Variants in UGT1A4 observed in about 807,000 individuals in gnomAD.
UGT1A4 encodes the protein UDP-glucuronosyltransferase 1A4.
UGT1A4 carries 32 observed loss-of-function variants against 41.1 expected under a neutral mutation model. The observed-to-expected ratio is 0.78, with a 90% confidence interval of 0.59 to 1.05. The LOEUF (loss-of-function observed/expected upper bound fraction) is 1.05, where lower values mean the gene tolerates loss of function less well. Among genes scored for constraint, UGT1A4 ranks in the 50% least tolerant of loss-of-function variants. UGT1A4 has a pLI of 0.00. For missense variants in UGT1A4, 748 were observed against 677.4 expected (o/e 1.10, Z -1.16); for synonymous variants, 283 against 265.1 (o/e 1.07, Z -0.66).
intron 1 of UGT1A4, among the ~76,000 whole-genome samples, chr2:233,730,803 T>C (rs2078076377): frequency 6.6e-6 from 1 of 152,164 alleles, no homozygotes; most frequent in South Asian, 2.1e-4. Context: ...TGAATGGACA[T>C]GCGTCCAAGA....
At chr2:233,747,977 G>A (rs1693826207) in intron 1 of UGT1A4, 1 of 1,613,358 alleles carries the variant, frequency 6.2e-7, no homozygotes, top group Non-Finnish European at 8.5e-7. Context: ...CATCTGTGTG[G>A]CTGTTCCGAG....
chr2:233,757,382 C>T (rs1017517189), intron 1 of UGT1A4, among the ~76,000 whole-genome samples: 3 of 151,230 alleles, frequency 2.0e-5, no homozygotes, highest in African/African-American at 7.3e-5. Flanking sequence ...AGATTCAGCA[C>T]TTACTTGCTG....
chr2:233,724,151 G>A (rs2077177263), intron 1 of UGT1A4, among the ~76,000 whole-genome samples: 1 of 124,618 alleles, frequency 8.0e-6, no homozygotes, highest in African/African-American at 3.6e-5. Flanking sequence ...CGGCTGGCCG[G>A]GTGGGGGGGC....
chr2:233,769,449 G>A lies in UGT1A4; in HGVS notation c.1307+1010G>A, dbSNP rs538754639. ...GCTGTGCTCATGTGTGGGTGCACAC[G>A]TGTGCATTCATATGCGTGTGTGTGT... On this transcript the variant is annotated intron_variant, in intron 4 of 4. Coordinates refer to ENST00000373409, the MANE Select transcript of UGT1A4 (RefSeq NM_007120.3). The surrounding 1 kb of genome is among the most constrained non-coding windows in gnomAD (Gnocchi z 4.4). The A allele has an allele frequency of 8.2e-5, 130 of 1,580,920 alleles. 1 individual carries two copies. The highest frequency in any genetic ancestry group is 7.2e-4 in the African/African-American group (54 of 74,488).
chr2:233,734,133 G>T lies in UGT1A4; in HGVS notation c.867+14446G>T, dbSNP rs9711095. Among the ~76,000 whole-genome samples the T allele has an allele frequency of 6.7e-3, 1,025 of 152,076 alleles. 39 individuals carry two copies. Among genetic ancestry groups the T allele is most frequent in the Admixed American group, 0.052 (802 of 15,280 alleles). ...ATAATAATAATAATAAAAAGAATTTGGCTGTGAATCCATCTGGTCCTGGAC... is the reference window on the plus strand; with the variant it reads ...ATAATAATAATAATAAAAAGAATTTTGCTGTGAATCCATCTGGTCCTGGAC... On this transcript the variant is annotated intron_variant, in intron 1 of 4. Transcript: ENST00000373409.
intron 1 of UGT1A4, among the ~76,000 whole-genome samples, chr2:233,759,387 C>A (rs1697125901): frequency 6.6e-6 from 1 of 152,128 alleles, no homozygotes. Context: ...TCAGGATACT[C>A]AGAGTAACCG....
chr2:233,743,530 C>G (rs781463146), intron 1 of UGT1A4: 8 of 1,367,244 alleles, frequency 5.9e-6, no homozygotes, highest in East Asian at 4.6e-5. Context: ...GCTTCCCCAG[C>G]AGTTCCTCTG....
chr2:233,748,052 C>G, intron 1 of UGT1A4: 1 of 1,613,446 alleles, frequency 6.2e-7, no homozygotes, highest in Non-Finnish European at 8.5e-7. Context: ...GGGGCATCAA[C>G]TGTGCCAACA....
In UGT1A4 at chr2:233,769,978, G is replaced by A. The variant is rs35883224; in HGVS notation, c.1307+1539G>A. The stretch of plus-strand genomic sequence containing the variant: ...CTTCTGGCCACCTCAATGTCAGGAT[G>A]TCCTGCTCACATATCAATACCATTA... On this transcript the variant is annotated intron_variant, in intron 4 of 4. Transcript: ENST00000373409. The surrounding 1 kb of genome is among the most constrained non-coding windows in gnomAD (Gnocchi z 4.4). 117 of 202,284 alleles carry A rather than the reference G, an allele frequency of 5.8e-4. 1 individual carries two copies. Among genetic ancestry groups the A allele is most frequent in the African/African-American group, 2.5e-3 (109 of 43,540 alleles). The allele number at this position is 202,284 out of a possible 1,614,324, so 12.5% of individuals were successfully genotyped here.
intron 1 of UGT1A4, among the ~76,000 whole-genome samples, chr2:233,740,241 T>A (rs774118650): frequency 4.0e-5 from 6 of 151,874 alleles, no homozygotes; most frequent in Non-Finnish European, 7.3e-5. Flanking sequence ...AGGCTGAGAA[T>A]AGACTAATAC....
At chr2:233,744,499 T>C (rs751170063) in intron 1 of UGT1A4, among the ~76,000 whole-genome samples, 33 of 151,936 alleles carry the variant, frequency 2.2e-4, no homozygotes, top group Non-Finnish European at 4.0e-4. Context: ...TTAGTAAGAA[T>C]AAACCCATGA....
At chr2:233,724,191 T>C (rs1269931641) in intron 1 of UGT1A4, among the ~76,000 whole-genome samples, 4 of 105,204 alleles carry the variant, frequency 3.8e-5, no homozygotes, top group South Asian at 3.6e-4. Flanking sequence ...CCGGACGGGG[T>C]GGCTGGCCGG....
chr2:233,743,816 T>G (rs1350624065), intron 1 of UGT1A4: 1 of 1,367,308 alleles, frequency 7.3e-7, no homozygotes, highest in South Asian at 1.1e-5. Flanking sequence ...CTCAGGGTTT[T>G]TGTCGGGGTG....
intron 1 of UGT1A4, chr2:233,760,915 G>A (rs758093591): frequency 5.6e-6 from 9 of 1,614,180 alleles, no homozygotes; most frequent in Non-Finnish European, 7.6e-6. Flanking sequence ...CCTGCAGCGG[G>A]TGAAGAACAT....
intron 4 of UGT1A4, chr2:233,770,959 T>C (rs1275512956): frequency 1.3e-5 from 2 of 152,178 alleles, no homozygotes; most frequent in East Asian, 3.9e-4. Context: ...AGGGAGCTTT[T>C]ACTCATGGCA....
intron 4 of UGT1A4, chr2:233,771,165 A>T (rs927521180): frequency 6.6e-6 from 1 of 152,234 alleles, no homozygotes; most frequent in African/African-American, 2.4e-5. Context: ...CATCTCCAGC[A>T]CTGGGGATTA....
At chr2:233,738,377 G>A (rs1404110801) in intron 1 of UGT1A4, among the ~76,000 whole-genome samples, 2 of 152,188 alleles carry the variant, frequency 1.3e-5, no homozygotes, top group Admixed American at 1.3e-4. Flanking sequence ...AAAACTACTT[G>A]AAAATGTGGA....
rs189112981 is a variant in UGT1A4, at chr2:233,747,187, A to C, written c.868-19847A>C. 2.8e-4 allele frequency: 449 copies of C among 1,603,370 alleles called. 14 individuals carry two copies. The African/African-American group carries it at 5.5e-3, about 19-fold the overall frequency. On this transcript the variant is annotated intron_variant, in intron 1 of 4. Coordinates refer to ENST00000373409, the MANE Select transcript of UGT1A4 (RefSeq NM_007120.3). ...GTAGGAGGCACAGCGTGGGGTGGACAGTCAGCTGTCCGTGTCTTCTGCTGA... is the reference window on the plus strand; with the variant it reads ...GTAGGAGGCACAGCGTGGGGTGGACCGTCAGCTGTCCGTGTCTTCTGCTGA...
chr2:233,724,889 T>A lies in UGT1A4; in HGVS notation c.867+5202T>A, dbSNP rs2077329092. On this transcript the variant is annotated intron_variant, in intron 1 of 4. Coordinates refer to ENST00000373409, the MANE Select transcript of UGT1A4 (RefSeq NM_007120.3). The stretch of plus-strand genomic sequence containing the variant: ...TTGTAGTGAGCGGAGATCACGCCAC[T>A]GCACTCCAGCCTGGGCACCATTGAG... 1.5e-5 allele frequency among the ~76,000 whole-genome samples: 2 copies of A among 135,370 alleles called. 1 individual carries two copies. Among genetic ancestry groups the A allele is most frequent in the Non-Finnish European group, 3.1e-5 (2 of 64,272 alleles). The allele number at this position is 135,370 out of a possible 152,430, so 88.8% of individuals were successfully genotyped here. A position where few individuals can be genotyped will look rare whatever the true frequency, so the allele number is the denominator to read the frequency against.
Sources: allele counts gnomAD v4.1 joint callset (sites outside exome capture counted in the v4.1 genomes callset), GRCh38; gene constraint gnomAD v4.1.1; non-coding constraint Gnocchi (gnomAD v3.1); transcripts MANE v1.5; gene names NCBI Gene and HGNC (gene_info 2026-07-23, HGNC 2026-07-21).